The following MDFIC2 variants were observed in gnomAD, a reference collection of about 807,000 sequenced individuals.
MDFIC2 encodes myoD family inhibitor domain-containing protein 2.
chr3:70,257,121 T>G (rs928382892), intron 2 of MDFIC2, among the ~76,000 whole-genome samples: 1 of 152,218 alleles, frequency 6.6e-6, no homozygotes, highest in Non-Finnish European at 1.5e-5. Flanking sequence ...CCAGCGCTAC[T>G]TTTCTAGAAA....
chr3:70,266,332 G>T (rs984554415), intron 2 of MDFIC2, among the ~76,000 whole-genome samples: 1 of 152,032 alleles, frequency 6.6e-6, no homozygotes, highest in Non-Finnish European at 1.5e-5. Context: ...TGATTAAACT[G>T]TAATCGTTAT....
At chr3:70,274,148 G>A (rs1420665479) in intron 2 of MDFIC2, among the ~76,000 whole-genome samples, 1 of 151,220 alleles carries the variant, frequency 6.6e-6, no homozygotes. Flanking sequence ...AGAAAATAAT[G>A]TGAAATTATA....
chr3:70,209,005 A>C (rs1701316740), intron 2 of MDFIC2, among the ~76,000 whole-genome samples: 1 of 152,098 alleles, frequency 6.6e-6, no homozygotes, highest in Admixed American at 6.6e-5. Flanking sequence ...TACAGATGAG[A>C]GAACACTAGG....
chr3:70,260,180 CTT>C (rs1481348875), intron 2 of MDFIC2, among the ~76,000 whole-genome samples: 1 of 152,148 alleles, frequency 6.6e-6, no homozygotes, highest in Non-Finnish European at 1.5e-5. Flanking sequence ...ATCCTGCCCT[CTT>C]CCTAACTTCT....
intron 2 of MDFIC2, among the ~76,000 whole-genome samples, chr3:70,239,978 T>C (rs138802287): frequency 3.9e-5 from 6 of 152,186 alleles, no homozygotes; most frequent in Admixed American, 1.3e-4. Flanking sequence ...AGCTTTGAAA[T>C]TGAAGAAAAT....
At chr3:70,280,585 G>T (rs1033660686) in intron 2 of MDFIC2, among the ~76,000 whole-genome samples, 1 of 152,036 alleles carries the variant, frequency 6.6e-6, no homozygotes, top group Non-Finnish European at 1.5e-5. Flanking sequence ...CTAAAATGAA[G>T]GTCTCAGAAG....
At chr3:70,216,026 C>A (rs7638748) in intron 2 of MDFIC2, among the ~76,000 whole-genome samples, 48,588 of 151,754 alleles carry the variant, frequency 0.32, 10,115 homozygotes, top group Non-Finnish European at 0.46. Flanking sequence ...TGTGAAAATA[C>A]AAAAAGATAC....
At chr3:70,264,949 G>A (rs1701902126) in intron 2 of MDFIC2, among the ~76,000 whole-genome samples, 1 of 152,180 alleles carries the variant, frequency 6.6e-6, no homozygotes, top group African/African-American at 2.4e-5. Context: ...AATCATGGTG[G>A]AAGGTGAATG....
chr3:70,280,530 T>C (rs1392977883), intron 2 of MDFIC2, among the ~76,000 whole-genome samples: 1 of 152,152 alleles, frequency 6.6e-6, no homozygotes, highest in Non-Finnish European at 1.5e-5. Flanking sequence ...AAGCATTATC[T>C]CTACTTTTGC....
intron 2 of MDFIC2, among the ~76,000 whole-genome samples, chr3:70,235,601 A>C (rs957994404): frequency 7.2e-5 from 11 of 152,104 alleles, no homozygotes; most frequent in Non-Finnish European, 1.3e-4. Flanking sequence ...GTCTTCTTTA[A>C]TGTAGAATCC....
At chr3:70,304,419 G>C (rs565535086) in intron 2 of MDFIC2, among the ~76,000 whole-genome samples, 22 of 152,090 alleles carry the variant, frequency 1.4e-4, no homozygotes, top group Non-Finnish European at 3.2e-4. Context: ...CAGTTTCCAT[G>C]GGGATACCTC....
intron 2 of MDFIC2, among the ~76,000 whole-genome samples, chr3:70,256,938 TG>T (rs1406244866): frequency 5.3e-5 from 8 of 152,166 alleles, no homozygotes; most frequent in African/African-American, 1.9e-4. Context: ...GGATTATAAT[TG>T]GTCCACCCTG....
chr3:70,290,318 A>C (rs886983349), intron 2 of MDFIC2, among the ~76,000 whole-genome samples: 1 of 150,526 alleles, frequency 6.6e-6, no homozygotes, highest in South Asian at 2.1e-4. Flanking sequence ...AGTACCCTGC[A>C]GTGTAAGGTG....
intron 2 of MDFIC2, among the ~76,000 whole-genome samples, chr3:70,264,847 C>T (rs1419208582): frequency 6.6e-6 from 1 of 152,092 alleles, no homozygotes; most frequent in Non-Finnish European, 1.5e-5. Context: ...TCTGTTCTCA[C>T]ACTGCTAATA....
At chr3:70,311,055 T>C (rs1267516890) in intron 2 of MDFIC2, among the ~76,000 whole-genome samples, 1 of 152,208 alleles carries the variant, frequency 6.6e-6, no homozygotes, top group African/African-American at 2.4e-5. Flanking sequence ...AATGTTGATG[T>C]TATTGTTATC....
rs548837483 is a variant in MDFIC2 at position 70,301,812 on chromosome 3, T to G, written c.88+10074A>C. Among the ~76,000 whole-genome samples, 3 of 152,230 alleles carry G rather than the reference T, an allele frequency of 2.0e-5. 1 individual carries two copies. Among genetic ancestry groups the G allele is most frequent in the African/African-American group, 7.2e-5 (3 of 41,576 alleles). On this transcript the variant is annotated intron_variant, in intron 2 of 3. Coordinates refer to ENST00000567252, the MANE Select transcript of MDFIC2 (RefSeq NM_001364677.1). ...TATTGAACATAAATATTAGCAGATA[T>G]ATTTTGGTAACTCTACAGGAAGTTT...
intron 2 of MDFIC2, among the ~76,000 whole-genome samples, chr3:70,228,217 T>G (rs1267953775): frequency 6.6e-6 from 1 of 152,064 alleles, no homozygotes; most frequent in East Asian, 1.9e-4. Flanking sequence ...ATATCCACTA[T>G]GCTATCTACT....
At chr3:70,251,017 TA>T (rs1701761191) in intron 2 of MDFIC2, among the ~76,000 whole-genome samples, 1 of 152,260 alleles carries the variant, frequency 6.6e-6, no homozygotes, top group South Asian at 2.1e-4. Flanking sequence ...AATCACCATT[TA>T]AACGCCTTTC....
chr3:70,280,351 A>G (rs1702068278), intron 2 of MDFIC2, among the ~76,000 whole-genome samples: 1 of 152,146 alleles, frequency 6.6e-6, no homozygotes, highest in South Asian at 2.1e-4. Flanking sequence ...CTTAAGAGGT[A>G]ATATGTACAG....
Sources: gnomAD v4.1 joint callset for allele counts (sites outside exome capture counted in the v4.1 genomes callset) on GRCh38, gnomAD v4.1.1 for gene constraint, MANE v1.5 for transcripts, NCBI Gene and HGNC (gene_info 2026-07-23, HGNC 2026-07-21) for gene names.